The following CALN1 variants were observed in gnomAD, a reference collection of about 807,000 sequenced individuals.
CALN1 encodes the protein calcium-binding protein 8.
A neutral mutation model predicts 30.6 loss-of-function variants in CALN1; 17 were observed. The ratio of observed to expected loss-of-function variants is 0.56; its 90% confidence interval spans 0.38 to 0.83. The LOEUF (loss-of-function observed/expected upper bound fraction) is 0.83. Ranked by LOEUF, CALN1 falls within the 40% of genes least tolerant of loss-of-function variation. The probability of loss-of-function intolerance (pLI) is 0.00; values close to 1 mark genes in which losing one functional copy is unlikely to be tolerated. For synonymous variants in CALN1, 156 were observed against 131.4 expected (o/e 1.19, Z -1.28); for missense variants, 291 against 354.9 (o/e 0.82, Z 1.45).
At chr7:72,238,947 C>G (rs190098110) in intron 3 of CALN1, among the ~76,000 whole-genome samples, 75 of 152,322 alleles carry the variant, frequency 4.9e-4, no homozygotes, top group Non-Finnish European at 7.6e-4. Context: ...AGACATCCCC[C>G]ACTAATGTGG....
At chr7:72,213,938 G>C (rs1461898502) in intron 3 of CALN1, among the ~76,000 whole-genome samples, 1 of 152,188 alleles carries the variant, frequency 6.6e-6, no homozygotes, top group Non-Finnish European at 1.5e-5. Context: ...TGTGGCATTT[G>C]CTCAGCAAGC....
chr7:72,350,058 G>A (rs1006729227), intron 2 of CALN1, among the ~76,000 whole-genome samples: 2 of 152,120 alleles, frequency 1.3e-5, no homozygotes, highest in South Asian at 2.1e-4. Context: ...GGTTTTTATA[G>A]GCCCATAAAC....
At chr7:72,451,208 GA>G (rs1808650390), upstream of CALN1, among the ~76,000 whole-genome samples, 1 of 123,524 alleles carries the variant, frequency 8.1e-6, no homozygotes, top group Admixed American at 7.8e-5. Context: ...AGAAGAAGAA[GA>G]AGGAGGAGGA....
chr7:72,050,039 G>C (rs1802739591), intron 4 of CALN1, among the ~76,000 whole-genome samples: 1 of 151,168 alleles, frequency 6.6e-6, no homozygotes, highest in African/African-American at 2.4e-5. Context: ...GGCTGGTCTT[G>C]AACTCCTGAC....
intron 5 of CALN1, among the ~76,000 whole-genome samples, chr7:72,022,884 G>T (rs1388280394): frequency 2.0e-5 from 3 of 148,188 alleles, no homozygotes; most frequent in Non-Finnish European, 3.0e-5. Flanking sequence ...AAATCTCCTG[G>T]TGAAGGGAAA....
chr7:72,315,386 G>A (rs528337280), intron 2 of CALN1, among the ~76,000 whole-genome samples: 89 of 152,178 alleles, frequency 5.8e-4, no homozygotes, highest in African/African-American at 1.7e-3. Context: ...AAAACAAAAC[G>A]TATGTGCTCA....
At chr7:72,157,482 C>T (rs1787779754) in intron 3 of CALN1, among the ~76,000 whole-genome samples, 1 of 151,918 alleles carries the variant, frequency 6.6e-6, no homozygotes, top group East Asian at 1.9e-4. Context: ...CGGAAAGTTT[C>T]CCAGAGAAGG....
chr7:72,255,404 CTTTT>C (rs1191148340), intron 3 of CALN1, among the ~76,000 whole-genome samples: 82 of 139,582 alleles, frequency 5.9e-4, no homozygotes, highest in African/African-American at 2.1e-3. Flanking sequence ...CTTTTCTTTT[CTTTT>C]TTTATTATTA....
intron 3 of CALN1, among the ~76,000 whole-genome samples, chr7:72,265,172 G>T (rs1315113479): frequency 6.6e-6 from 1 of 152,142 alleles, no homozygotes; most frequent in Non-Finnish European, 1.5e-5. Flanking sequence ...GGCAATACAG[G>T]TCTGGATGTA....
At chr7:72,209,941 A>G (rs529903482) in intron 3 of CALN1, among the ~76,000 whole-genome samples, 1 of 152,276 alleles carries the variant, frequency 6.6e-6, no homozygotes, top group Admixed American at 6.5e-5. Context: ...CCTATGGGAT[A>G]CTTCAATCAA....
intron 5 of CALN1, among the ~76,000 whole-genome samples, chr7:71,845,738 C>A (rs140341338): frequency 3.3e-5 from 5 of 151,968 alleles, no homozygotes. Context: ...TAGGGCTGAC[C>A]TGGGATTTCC....
At chr7:71,990,219 T>C (rs115183750) in intron 5 of CALN1, among the ~76,000 whole-genome samples, 224 of 152,252 alleles carry the variant, frequency 1.5e-3, no homozygotes, top group African/African-American at 5.3e-3. Flanking sequence ...ATGCTAATTA[T>C]AATAGATAAG....
chr7:72,351,430 A>T (rs868242997), intron 2 of CALN1, among the ~76,000 whole-genome samples: 3 of 152,220 alleles, frequency 2.0e-5, no homozygotes, highest in Non-Finnish European at 4.4e-5. Context: ...GAATAAAAAT[A>T]AAAAGTTTGT....
At chr7:71,888,159 G>A (rs1357025433) in intron 5 of CALN1, among the ~76,000 whole-genome samples, 2 of 152,194 alleles carry the variant, frequency 1.3e-5, no homozygotes, top group African/African-American at 4.8e-5. Flanking sequence ...AAGGAGTAGG[G>A]TCTGGGGAAC....
intron 6 of CALN1, among the ~76,000 whole-genome samples, chr7:71,789,051 C>T (rs1252797334): frequency 6.6e-6 from 1 of 152,156 alleles, no homozygotes; most frequent in Non-Finnish European, 1.5e-5. Flanking sequence ...CACCCTCCTG[C>T]CTCTGCCTCC....
At chr7:72,296,250 CT>C (rs1319868060) in intron 2 of CALN1, among the ~76,000 whole-genome samples, 1 of 150,360 alleles carries the variant, frequency 6.7e-6, no homozygotes, top group Non-Finnish European at 1.5e-5. Flanking sequence ...TGATGTGCTG[CT>C]GGATTCAGTT....
chr7:71,996,438 T>C (rs1799256624), intron 5 of CALN1, among the ~76,000 whole-genome samples: 1 of 152,250 alleles, frequency 6.6e-6, no homozygotes, highest in South Asian at 2.1e-4. Flanking sequence ...TGTGTCCATG[T>C]GTTCTCATTG....
At chr7:72,027,191 G>A (rs1272823068) in intron 4 of CALN1, among the ~76,000 whole-genome samples, 1 of 152,144 alleles carries the variant, frequency 6.6e-6, no homozygotes, top group Non-Finnish European at 1.5e-5. Context: ...CTAGAAAAAT[G>A]CATATCTGAA....
At chr7:72,066,442 GGTGAA>G (rs1247728283) in intron 4 of CALN1, among the ~76,000 whole-genome samples, 2 of 151,744 alleles carry the variant, frequency 1.3e-5, no homozygotes, top group Non-Finnish European at 2.9e-5. Flanking sequence ...CAAATGCTTT[GGTGAA>G]ATCCAGATTC....
Sources: allele counts gnomAD v4.1 joint callset (sites outside exome capture counted in the v4.1 genomes callset), GRCh38; gene constraint gnomAD v4.1.1; transcripts MANE v1.5; gene names NCBI Gene and HGNC (gene_info 2026-07-23, HGNC 2026-07-21).